The following EXOG variants were observed in gnomAD, a reference collection of about 807,000 sequenced individuals.
EXOG encodes nuclease EXOG, mitochondrial.
A neutral mutation model predicts 25.8 loss-of-function variants in EXOG; 27 were observed. The ratio of observed to expected loss-of-function variants is 1.05; its 90% CI spans 0.77 to 1.45. The LOEUF (loss-of-function observed/expected upper bound fraction) is 1.45, where lower values mean the gene tolerates loss of function less well. Among genes scored for constraint, EXOG ranks in the 40% most tolerant of loss-of-function variants. The pLI, the probability that EXOG is intolerant of heterozygous loss-of-function variation, is 0.00. For missense variants in EXOG, 458 were observed against 450.5 expected, an observed-to-expected ratio of 1.02 and a Z score of -0.15; for synonymous variants, 133 against 167.0, an observed-to-expected ratio of 0.80 and a Z score of 1.57.
At chr3:38,517,632 A>G (rs1371370069) in intron 5 of EXOG, among the ~76,000 whole-genome samples, 1 of 152,208 alleles carries the variant, frequency 6.6e-6, no homozygotes, top group East Asian at 1.9e-4. Context: ...CTCGTAGTAT[A>G]TGGATTCCAT....
Position 38,496,547 on chromosome 3 carries a change from G to T in EXOG, c.163+17G>T. ...AGCCGGATGGTAAGTCTGTGGGCCCGTCCTCCCTTCGCTGGCCCAGATTTC... is the reference window on the plus strand; with the variant it reads ...AGCCGGATGGTAAGTCTGTGGGCCCTTCCTCCCTTCGCTGGCCCAGATTTC... On this transcript the variant is annotated intron_variant, in intron 1 of 5. Transcript: ENST00000287675. The T allele has an allele frequency of 6.2e-7, 1 of 1,602,156 alleles. No individual in the cohort carries two copies.
chr3:38,513,411 G>A (rs576044371), intron 5 of EXOG, among the ~76,000 whole-genome samples: 23 of 152,258 alleles, frequency 1.5e-4, no homozygotes, highest in African/African-American at 5.5e-4. Flanking sequence ...AAGTGTGTAT[G>A]TAGTATGTTT....
At position 38,524,624 on chromosome 3, in the gene EXOG, A is replaced by G. The variant is rs2060828885; in HGVS notation, c.*262A>G. The stretch of plus-strand genomic sequence containing the variant: ...GCACACACCATCACCCTCAGCTACT[A>G]GTGGCTTTGCTTTAAAGAAACAGTG... On this transcript the variant is annotated 3_prime_UTR_variant, in exon 6 of 6. Coordinates refer to ENST00000287675, the MANE Select transcript of EXOG (RefSeq NM_005107.4). 8.8e-7 allele frequency: 1 copy of G among 1,137,674 alleles called. No individual in the cohort carries two copies. The highest frequency in any genetic ancestry group is 1.1e-6 in the Non-Finnish European group (1 of 928,764). The allele number at this position is 1,137,674 out of a possible 1,614,324, so 70.5% of individuals were successfully genotyped here. A position where few individuals can be genotyped will look rare whatever the true frequency, so the allele number is the denominator to read the frequency against.
intron 4 of EXOG, 58 bp downstream of exon 4, chr3:38,503,749 G>T: frequency 9.8e-7 from 1 of 1,019,436 alleles, no homozygotes; most frequent in Non-Finnish European, 1.5e-6. Flanking sequence ...AGTGACAGGA[G>T]AATGTACTGA....
chr3:38,499,536 A>G, intron 2 of EXOG: 1 of 379,988 alleles, frequency 2.6e-6, no homozygotes, highest in Non-Finnish European at 5.1e-6. Flanking sequence ...TTTTAATGTA[A>G]AAGGTCTTCT....
Position 38,525,626 on chromosome 3 carries a change from T to C in EXOG, c.*1264T>C, listed in dbSNP as rs907826986. ...GTTCTTGCTTTCCAGGTGAGCTTTT[T>C]GTTCTTAAGATTAAGAAACCTATGA... On this transcript the variant is annotated 3_prime_UTR_variant, in exon 6 of 6. Coordinates refer to ENST00000287675, the MANE Select transcript of EXOG (RefSeq NM_005107.4). 4 of 985,426 alleles carry C rather than the reference T, an allele frequency of 4.1e-6. No individual in the cohort carries two copies. In the South Asian group the frequency reaches 1.9e-4, roughly 46 times the overall value. 61.0% of individuals were successfully genotyped at this position (985,426 alleles called of 1,614,324 possible).
In EXOG at chr3:38,524,069, C is replaced by G; in HGVS notation, c.814C>G (p.Leu272Val). ...TGAATTCCAAGTGAGCCTCCAGGACCTAGAGAAGTTGTCAGGACTGGTGTT... is the reference window on the plus strand; with the variant it reads ...TGAATTCCAAGTGAGCCTCCAGGACGTAGAGAAGTTGTCAGGACTGGTGTT... Reference protein sequence around the residue: ...LTEFQVSLQDLEKLSGLVFFP... With the variant: ...LTEFQVSLQDVEKLSGLVFFP... The change falls in exon 6 of 6, where the codon CTA becomes GTA. Residue 272 changes from leucine to valine, a missense_variant. This residue lies in a region of EXOG where 178 missense variants were observed against 203.7 expected (regional missense o/e 0.87). Transcript: ENST00000287675. 5.6e-6 allele frequency: 9 copies of G among 1,614,170 alleles called. No individual in the cohort carries two copies. The highest frequency in any genetic ancestry group is 1.1e-5 in the South Asian group (1 of 91,078).
At chr3:38,497,565 A>T (rs902805651) in intron 1 of EXOG, 64 bp from the exon 2 acceptor site, 1 of 1,517,758 alleles carries the variant, frequency 6.6e-7, no homozygotes, top group Admixed American at 2.5e-5. Flanking sequence ...ATTAAGAGCC[A>T]CTAATTGTGT....
rs551012482 is a variant in EXOG, at chr3:38,524,952, C to G, written c.*590C>G. 1.7e-5 allele frequency: 17 copies of G among 985,384 alleles called. No individual in the cohort carries two copies. The highest frequency in any genetic ancestry group is 1.9e-5 in the Non-Finnish European group (16 of 830,018). 61.0% of individuals were successfully genotyped at this position (985,384 alleles called of 1,614,324 possible). ...TGTTGTACATTTTTCCCTCTAGGAC[C>G]TGAATTGGTCTTGGAGGCAGCTTTT... On this transcript the variant is annotated 3_prime_UTR_variant, in exon 6 of 6. Transcript: ENST00000287675.
Position 38,524,830 on chromosome 3 carries a change from C to T in EXOG, c.*468C>T, listed in dbSNP as rs1339882608. The T allele has an allele frequency of 2.2e-5, 22 of 987,580 alleles. No homozygotes were observed. Among genetic ancestry groups the T allele is most frequent in the African/African-American group, 1.0e-4 (6 of 57,248 alleles). 61.2% of individuals were successfully genotyped at this position (987,580 alleles called of 1,614,324 possible). A position where few individuals can be genotyped will look rare whatever the true frequency, so the allele number is the denominator to read the frequency against. On this transcript the variant is annotated 3_prime_UTR_variant, in exon 6 of 6. Coordinates refer to ENST00000287675, the MANE Select transcript of EXOG (RefSeq NM_005107.4). ...CACAGATGACACTGCATTTGTATCC[C>T]TGTGGATGTAGAGTATTGGGAAGGC...
At chr3:38,501,985 C>T (rs768962481) in intron 3 of EXOG, among the ~76,000 whole-genome samples, 4 of 151,324 alleles carry the variant, frequency 2.6e-5, no homozygotes, top group Non-Finnish European at 5.9e-5. Context: ...TACAATGGCA[C>T]GATCTTGGCT....
chr3:38,511,507 G>A (rs543546468), intron 5 of EXOG, among the ~76,000 whole-genome samples: 2 of 152,312 alleles, frequency 1.3e-5, no homozygotes, highest in East Asian at 3.9e-4. Context: ...AAGATAAAGT[G>A]AAATTTGGAC....
chr3:38,497,442 C>A, intron 1 of EXOG, 187 bp from the exon 2 acceptor site: 1 of 1,355,548 alleles, frequency 7.4e-7, no homozygotes. Context: ...TGCCTACTGT[C>A]TGTTTTCTTC....
intron 4 of EXOG, among the ~76,000 whole-genome samples, chr3:38,504,514 C>T (rs1334024329): frequency 6.6e-6 from 1 of 152,116 alleles, no homozygotes; most frequent in Admixed American, 6.5e-5. Context: ...CGGCTCACTA[C>T]AACCTCCGCC....
Position 38,524,306 on chromosome 3 carries a change from C to CT in EXOG, c.1052dup (p.Glu352ArgfsTer6), listed in dbSNP as rs753752638. ...CTTTATGAGTCGCTATGAGAAGAAGCTAGAAGAACTCAAAGCTAAGGAGCA... is the reference window on the plus strand; with the variant it reads ...CTTTATGAGTCGCTATGAGAAGAAGCTTAGAAGAACTCAAAGCTAAGGAGCA... On this transcript the variant is annotated frameshift_variant, in exon 6 of 6. Coordinates refer to ENST00000287675, the MANE Select transcript of EXOG (RefSeq NM_005107.4). LOFTEE classifies it low-confidence loss of function (END_TRUNC). 4.7e-5 allele frequency: 76 copies of CT among 1,612,750 alleles called. No homozygotes were observed. Among genetic ancestry groups the CT allele is most frequent in the Non-Finnish European group, 6.1e-5 (72 of 1,179,756 alleles).
intron 5 of EXOG, among the ~76,000 whole-genome samples, chr3:38,513,376 AT>A (rs2060430480): frequency 6.6e-6 from 1 of 152,220 alleles, no homozygotes; most frequent in Admixed American, 6.5e-5. Context: ...ATTAGAAAAT[AT>A]TTAACCAGCA....
intron 3 of EXOG, among the ~76,000 whole-genome samples, chr3:38,501,817 C>T (rs1191841945): frequency 6.6e-6 from 1 of 152,200 alleles, no homozygotes; most frequent in Non-Finnish European, 1.5e-5. Context: ...TTGATCTCGG[C>T]GCACTGCAAC....
Position 38,496,416 on chromosome 3 carries a change from C to G in EXOG, c.49C>G (p.Leu17Val), listed in dbSNP as rs1391072627. Residue 17 changes from leucine to valine, a missense_variant, in exon 1 of 6, where the codon CTG (leucine) becomes GTG (valine). Physicochemically the swap from Leu to Val is conservative, Grantham distance 32 (BLOSUM62 1). Transcript: ENST00000287675. ...CCGCCTCCGGGGTTCCCGTCGTTTTCTGAGCGGCTTCGTGGCTGGGGCTGT... is the reference window on the plus strand; with the variant it reads ...CCGCCTCCGGGGTTCCCGTCGTTTTGTGAGCGGCTTCGTGGCTGGGGCTGT... ...ASRLRGSRRFLSGFVAGAVVG... is the reference protein window; with the variant it reads ...ASRLRGSRRFVSGFVAGAVVG... The G allele has an allele frequency of 6.2e-7, 1 of 1,613,086 alleles. No individual in the cohort carries two copies. Among genetic ancestry groups the G allele is most frequent in the Non-Finnish European group, 8.5e-7 (1 of 1,179,690 alleles).
At chr3:38,513,121 G>C (rs1472902077) in intron 5 of EXOG, among the ~76,000 whole-genome samples, 3 of 152,148 alleles carry the variant, frequency 2.0e-5, no homozygotes, top group Non-Finnish European at 2.9e-5. Context: ...TTTTTAATTA[G>C]TTTATAATGT....
Sources: gnomAD v4.1 joint callset for allele counts (sites outside exome capture counted in the v4.1 genomes callset) on GRCh38, gnomAD v4.1.1 for gene constraint, gnomAD v4.1.1 regional missense constraint, MANE v1.5 for transcripts, NCBI Gene and HGNC (gene_info 2026-07-23, HGNC 2026-07-21) for gene names.